REDIC1: variants seen among roughly 807,000 people sequenced by gnomAD.
REDIC1 encodes regulator of DNA class I crossover intermediates 1.
chr12:39,740,166 A>G, the REDIC1 span, among the ~76,000 whole-genome samples: 1 of 152,214 alleles, frequency 6.6e-6, no homozygotes. Flanking sequence ...ACATCCCTAC[A>G]TTTTAGATGG....
the REDIC1 span, among the ~76,000 whole-genome samples, chr12:39,686,234 C>T: frequency 1.3e-5 from 2 of 152,214 alleles, no homozygotes; most frequent in Non-Finnish European, 2.9e-5. Flanking sequence ...ATTGCCTCTC[C>T]ACTCTGCCCT....
At chr12:39,766,629 T>A in the REDIC1 span, among the ~76,000 whole-genome samples, 1 of 152,028 alleles carries the variant, frequency 6.6e-6, no homozygotes, top group Non-Finnish European at 1.5e-5. Flanking sequence ...TTTACCCAGA[T>A]AACTTCTTTC....
the REDIC1 span, chr12:39,647,899 T>C: frequency 4.4e-6 from 7 of 1,607,378 alleles, no homozygotes; most frequent in African/African-American, 8.1e-5. Context: ...CTAACAGACA[T>C]ATTTCAAAAC....
the REDIC1 span, among the ~76,000 whole-genome samples, chr12:39,822,690 ATCT>A: frequency 6.6e-6 from 1 of 152,216 alleles, no homozygotes; most frequent in African/African-American, 2.4e-5. Flanking sequence ...GTCTTCTTTA[ATCT>A]TCTTTAGTGA....
At chr12:39,737,559 G>A in the REDIC1 span, among the ~76,000 whole-genome samples, 1 of 152,280 alleles carries the variant, frequency 6.6e-6, no homozygotes, top group African/African-American at 2.4e-5. Flanking sequence ...AACCTTATAT[G>A]CATAATCTCC....
the REDIC1 span, among the ~76,000 whole-genome samples, chr12:39,743,547 A>C: frequency 1.6e-3 from 244 of 152,358 alleles, no homozygotes; most frequent in African/African-American, 5.7e-3. Context: ...GGATGTTGGA[A>C]TTATCAGACT....
the REDIC1 span, among the ~76,000 whole-genome samples, chr12:39,792,836 G>A: frequency 2.0e-5 from 3 of 150,388 alleles, no homozygotes; most frequent in Non-Finnish European, 2.9e-5. Context: ...AGTGGACCAC[G>A]CAGTTCAAAC....
At chr12:39,701,775 A>AT in the REDIC1 span, among the ~76,000 whole-genome samples, 1 of 152,116 alleles carries the variant, frequency 6.6e-6, no homozygotes, top group East Asian at 1.9e-4. Context: ...AGAACTCAGG[A>AT]TTAAGAATCT....
At chr12:39,681,110 A>G in the REDIC1 span, among the ~76,000 whole-genome samples, 1 of 152,236 alleles carries the variant, frequency 6.6e-6, no homozygotes, top group African/African-American at 2.4e-5. Flanking sequence ...TGTCTCTACT[A>G]AAAACACAAA....
the REDIC1 span, among the ~76,000 whole-genome samples, chr12:39,800,219 C>G: frequency 1.3e-5 from 2 of 152,080 alleles, no homozygotes; most frequent in Non-Finnish European, 2.9e-5. Context: ...TGAATGAAAA[C>G]AGTAAACAGA....
chr12:39,875,053 ACC>A, the REDIC1 span, among the ~76,000 whole-genome samples: 1 of 152,240 alleles, frequency 6.6e-6, no homozygotes, highest in Admixed American at 6.5e-5. Flanking sequence ...CCTTTCTCTA[ACC>A]CTGGTAAATA....
chr12:39,846,373 A>G, the REDIC1 span, among the ~76,000 whole-genome samples: 1 of 152,180 alleles, frequency 6.6e-6, no homozygotes, highest in African/African-American at 2.4e-5. Context: ...TTAAGGGCTG[A>G]ATTCTAGAGA....
the REDIC1 span, among the ~76,000 whole-genome samples, chr12:39,897,814 CT>C: frequency 6.6e-6 from 1 of 151,954 alleles, no homozygotes; most frequent in East Asian, 1.9e-4. Context: ...TGTTTGAAGA[CT>C]TTTTTCTATA....
At chr12:39,898,783 C>A in the REDIC1 span, among the ~76,000 whole-genome samples, 1 of 152,124 alleles carries the variant, frequency 6.6e-6, no homozygotes, top group South Asian at 2.1e-4. Context: ...CTCAATTATT[C>A]TCTCACAGCA....
At chr12:39,707,845 C>A in the REDIC1 span, among the ~76,000 whole-genome samples, 1 of 151,778 alleles carries the variant, frequency 6.6e-6, no homozygotes, top group African/African-American at 2.4e-5. Context: ...AAAGAATGAT[C>A]CTGTCATTTG....
the REDIC1 span, among the ~76,000 whole-genome samples, chr12:39,767,661 A>G: frequency 0.98 from 149,095 of 152,166 alleles, 73,054 homozygotes; most frequent in East Asian, 1. Flanking sequence ...GATATGGTTT[A>G]GCTGTGTCTT....
chr12:39,834,184 G>C, the REDIC1 span, among the ~76,000 whole-genome samples: 1 of 151,996 alleles, frequency 6.6e-6, no homozygotes, highest in African/African-American at 2.4e-5. Flanking sequence ...CTTTTCTCTT[G>C]TTAATCTCTC....
At chr12:39,687,272 T>C in the REDIC1 span, among the ~76,000 whole-genome samples, 1 of 152,222 alleles carries the variant, frequency 6.6e-6, no homozygotes, top group Non-Finnish European at 1.5e-5. Context: ...TCTGTATTAG[T>C]CTGTTCTCAC....
chr12:39,714,021 A>G, the REDIC1 span, among the ~76,000 whole-genome samples: 4 of 141,776 alleles, frequency 2.8e-5, no homozygotes, highest in East Asian at 4.0e-4. Flanking sequence ...ATACGTTTAT[A>G]TAAGTATATA....
Sources: allele counts gnomAD v4.1 joint callset (sites outside exome capture counted in the v4.1 genomes callset), GRCh38; gene constraint gnomAD v4.1.1; transcripts MANE v1.5; gene names NCBI Gene and HGNC (gene_info 2026-07-23, HGNC 2026-07-21).